Variants in RPH3AL observed in about 807,000 individuals in gnomAD.
RPH3AL encodes rab effector Noc2.
In RPH3AL, 38 loss-of-function variants were observed where a neutral mutation model predicts 43.1. The observed-to-expected ratio is 0.88, with a 90% CI of 0.68 to 1.15. The LOEUF (loss-of-function observed/expected upper bound fraction) is 1.15. Among genes scored for constraint, RPH3AL ranks in the 50% most tolerant of loss-of-function variants. The probability of loss-of-function intolerance (pLI) is 0.00; values close to 1 mark genes in which losing one functional copy is unlikely to be tolerated. For missense variants in RPH3AL, 462 were observed against 423.2 expected, an observed-to-expected ratio of 1.09 and a Z score of -0.81; for synonymous variants, 189 against 176.3, an observed-to-expected ratio of 1.07 and a Z score of -0.57.
At chr17:318,934 T>A (rs1240886900) in intron 5 of RPH3AL, among the ~76,000 whole-genome samples, 1 of 152,192 alleles carries the variant, frequency 6.6e-6, no homozygotes, top group Non-Finnish European at 1.5e-5. Flanking sequence ...ACTAAAAACA[T>A]TTTTTCCTTG....
intron 5 of RPH3AL, among the ~76,000 whole-genome samples, chr17:316,541 C>A (rs1238318352): frequency 2.1e-5 from 3 of 141,818 alleles, no homozygotes; most frequent in Admixed American, 2.1e-4. Context: ...CCCTGTGACT[C>A]CACCTCCACT....
At chr17:236,559 T>C (rs3923018) in intron 7 of RPH3AL, among the ~76,000 whole-genome samples, 35,461 of 93,418 alleles carry the variant, frequency 0.38, 4,544 homozygotes, top group African/African-American at 0.46. Flanking sequence ...GGGGTGGGGG[T>C]GGGGCAGATG....
chr17:328,067 G>A lies in RPH3AL; in HGVS notation c.-36-488C>T, dbSNP rs946109705. 4.6e-5 allele frequency among the ~76,000 whole-genome samples: 7 copies of A among 152,182 alleles called. No homozygotes were observed. The highest frequency in any genetic ancestry group is 2.6e-4 in the Admixed American group (4 of 15,274). On this transcript the variant is annotated intron_variant, in intron 2 of 9. Transcript: ENST00000331302. The surrounding 1 kb of genome is among the most constrained non-coding windows in gnomAD (Gnocchi z 4.2). ...CTCTCCTTCCCAACAGACTCACACCGATGATCACAATGCCCTCGAGGGCAG... is the reference window on the plus strand; with the variant it reads ...CTCTCCTTCCCAACAGACTCACACCAATGATCACAATGCCCTCGAGGGCAG...
Position 260,627 on chromosome 17 carries a change from C to A in RPH3AL, c.439-13342G>T, listed in dbSNP as rs142505067. On this transcript the variant is annotated intron_variant, in intron 6 of 9. Coordinates refer to ENST00000331302, the MANE Select transcript of RPH3AL (RefSeq NM_006987.4). ...AGCGGTCTTCTCAATTACACTGCAG[C>A]TACTTTAAAGGTCTCTTCAAGGGTC... 3.6e-3 allele frequency among the ~76,000 whole-genome samples: 552 copies of A among 152,282 alleles called. 6 individuals are homozygous for A. The highest frequency in any genetic ancestry group is 9.4e-3 in the Admixed American group (144 of 15,292).
chr17:292,151 C>A (rs1178980944), intron 5 of RPH3AL, among the ~76,000 whole-genome samples: 4 of 152,232 alleles, frequency 2.6e-5, no homozygotes, highest in African/African-American at 9.6e-5. Flanking sequence ...GCCTGTGCAC[C>A]CCCACAGCGG....
intron 6 of RPH3AL, among the ~76,000 whole-genome samples, chr17:271,766 C>T (rs964905300): frequency 1.3e-5 from 2 of 152,202 alleles, no homozygotes; most frequent in Non-Finnish European, 2.9e-5. Context: ...TTATTTCTTT[C>T]TCCTGCCTGA....
chr17:330,322 G>A (rs144052779), intron 2 of RPH3AL, among the ~76,000 whole-genome samples: 9 of 152,326 alleles, frequency 5.9e-5, no homozygotes, highest in Admixed American at 1.3e-4. Context: ...ACAGCCAAGC[G>A]TGGAAATCCC....
intron 6 of RPH3AL, among the ~76,000 whole-genome samples, chr17:272,452 G>T (rs1167811619): frequency 6.6e-6 from 1 of 151,838 alleles, no homozygotes; most frequent in Non-Finnish European, 1.5e-5. Context: ...CATGTCCTTT[G>T]TAGGGACATG....
chr17:227,983 C>T (rs374247031), intron 7 of RPH3AL, among the ~76,000 whole-genome samples: 10 of 152,138 alleles, frequency 6.6e-5, no homozygotes, highest in East Asian at 5.8e-4. Flanking sequence ...GCTGCAGAGA[C>T]GCAGGACTGT....
At chr17:223,196 G>GAAAAAA (rs11370789) in intron 7 of RPH3AL, among the ~76,000 whole-genome samples, 1 of 144,648 alleles carries the variant, frequency 6.9e-6, no homozygotes. Flanking sequence ...TCTCAAAAAA[G>GAAAAAA]AAAAAAAAAA....
intron 3 of RPH3AL, among the ~76,000 whole-genome samples, chr17:325,018 C>A (rs528498294): frequency 3.3e-5 from 5 of 152,280 alleles, no homozygotes; most frequent in African/African-American, 1.2e-4. Flanking sequence ...GCCAACACGA[C>A]CGGCTAATTT....
chr17:219,373 A>G (rs1186252250), intron 8 of RPH3AL, among the ~76,000 whole-genome samples: 1 of 150,190 alleles, frequency 6.7e-6, no homozygotes, highest in Non-Finnish European at 1.5e-5. Flanking sequence ...TAATTTTCAT[A>G]TTTTTAGTAG....
intron 6 of RPH3AL, among the ~76,000 whole-genome samples, chr17:263,026 C>T (rs2151574624): frequency 6.6e-6 from 1 of 152,326 alleles, no homozygotes; most frequent in South Asian, 2.1e-4. Flanking sequence ...ACATTAGCCT[C>T]TTTGTGTCAT....
intron 5 of RPH3AL, among the ~76,000 whole-genome samples, chr17:296,753 C>T (rs1308878680): frequency 6.6e-6 from 1 of 152,194 alleles, no homozygotes; most frequent in African/African-American, 2.4e-5. Context: ...TTTGAAACTT[C>T]AAGTCACATA....
chr17:313,379 G>C (rs2043696556), intron 5 of RPH3AL, among the ~76,000 whole-genome samples: 1 of 152,224 alleles, frequency 6.6e-6, no homozygotes, highest in Non-Finnish European at 1.5e-5. Context: ...GCGAGGCTGT[G>C]TGATGGGCCA....
At chr17:316,395 C>A (rs113781783) in intron 5 of RPH3AL, among the ~76,000 whole-genome samples, 11,209 of 138,838 alleles carry the variant, frequency 0.081, no homozygotes, top group African/African-American at 0.11. Flanking sequence ...GCACCCACCT[C>A]CATTGTCCTG....
intron 6 of RPH3AL, among the ~76,000 whole-genome samples, chr17:277,350 T>C (rs1231250504): frequency 1.3e-5 from 2 of 152,238 alleles, no homozygotes; most frequent in African/African-American, 4.8e-5. Flanking sequence ...TGGAAGGTGT[T>C]TATTTATTTA....
intron 3 of RPH3AL, chr17:321,755 C>T: frequency 3.6e-6 from 1 of 274,062 alleles, no homozygotes; most frequent in South Asian, 1.0e-4. Context: ...GGCACGCGGG[C>T]AACAGAGACG....
intron 7 of RPH3AL, among the ~76,000 whole-genome samples, chr17:222,927 C>T (rs1045922340): frequency 2.6e-5 from 4 of 152,198 alleles, no homozygotes; most frequent in Non-Finnish European, 5.9e-5. Context: ...TGGTGGCTCA[C>T]GCCTGTAATC....
Sources: gnomAD v4.1 joint callset for allele counts (sites outside exome capture counted in the v4.1 genomes callset) on GRCh38, gnomAD v4.1.1 for gene constraint, Gnocchi (gnomAD v3.1) non-coding constraint, MANE v1.5 for transcripts, NCBI Gene and HGNC (gene_info 2026-07-23, HGNC 2026-07-21) for gene names.